ATRNL1: variants seen among roughly 807,000 people sequenced by gnomAD.
ATRNL1 encodes attractin like 1.
In ATRNL1, 95 loss-of-function variants were observed where a neutral mutation model predicts 182.7. The ratio of observed to expected loss-of-function variants is 0.52; its 90% CI spans 0.44 to 0.62. The LOEUF is 0.62. Ranked by LOEUF, ATRNL1 falls within the 20% of genes least tolerant of loss-of-function variation. The probability of loss-of-function intolerance (pLI) is 0.00; values close to 1 mark genes in which losing one functional copy is unlikely to be tolerated. For synonymous variants in ATRNL1, 576 were observed against 568.3 expected (o/e 1.01, Z -0.19); for missense variants, 1,471 against 1,679.5 (o/e 0.88, Z 2.17).
At chr10:115,660,697 C>T (rs782720130) in intron 26 of ATRNL1, among the ~76,000 whole-genome samples, 3 of 151,928 alleles carry the variant, frequency 2.0e-5, no homozygotes, top group Middle Eastern at 6.8e-3. Context: ...GGGAAGAAAG[C>T]CTAGATTAGA....
intron 5 of ATRNL1, among the ~76,000 whole-genome samples, chr10:115,143,175 G>A (rs1845821046): frequency 6.6e-6 from 1 of 152,086 alleles, no homozygotes; most frequent in Admixed American, 6.5e-5. Context: ...CTGAACTGTG[G>A]GTCACAACAA....
intron 28 of ATRNL1, among the ~76,000 whole-genome samples, chr10:115,852,689 T>TTCCTAA: frequency 6.6e-6 from 1 of 152,304 alleles, no homozygotes; most frequent in South Asian, 2.1e-4. Flanking sequence ...TCCCTGTGGA[T>TTCCTAA]AAAGATACTG....
At chr10:115,357,368 A>G (rs995349276) in intron 19 of ATRNL1, among the ~76,000 whole-genome samples, 1 of 151,720 alleles carries the variant, frequency 6.6e-6, no homozygotes, top group South Asian at 2.1e-4. Flanking sequence ...TCAAAAGGCA[A>G]AACCAAACTA....
intron 15 of ATRNL1, among the ~76,000 whole-genome samples, chr10:115,295,780 G>T (rs1215775733): frequency 6.6e-6 from 1 of 152,094 alleles, no homozygotes; most frequent in Non-Finnish European, 1.5e-5. Context: ...TCCCTGCTGT[G>T]TAGGACCAGA....
At chr10:115,860,550 G>C (rs782640819) in intron 28 of ATRNL1, among the ~76,000 whole-genome samples, 16 of 152,052 alleles carry the variant, frequency 1.1e-4, no homozygotes, top group Non-Finnish European at 1.9e-4. Flanking sequence ...TGTATAAATG[G>C]GATAATTTGG....
intron 26 of ATRNL1, among the ~76,000 whole-genome samples, chr10:115,677,728 C>T (rs549294383): frequency 3.3e-5 from 5 of 152,076 alleles, no homozygotes; most frequent in South Asian, 2.1e-4. Context: ...TTATCAGCAA[C>T]GTGAAAACAG....
chr10:115,868,160 G>C (rs1368731869), intron 28 of ATRNL1, among the ~76,000 whole-genome samples: 1 of 152,086 alleles, frequency 6.6e-6, no homozygotes, highest in Non-Finnish European at 1.5e-5. Context: ...GTATATATTC[G>C]AGTGATATGC....
intron 28 of ATRNL1, among the ~76,000 whole-genome samples, chr10:115,868,938 T>C: frequency 6.9e-6 from 1 of 144,260 alleles, no homozygotes; most frequent in East Asian, 2.2e-4. Context: ...CACGCCATTC[T>C]CCTGCCTCAG....
At chr10:115,249,603 A>C (rs1554904960) in intron 10 of ATRNL1, among the ~76,000 whole-genome samples, 1 of 152,108 alleles carries the variant, frequency 6.6e-6, no homozygotes, top group Non-Finnish European at 1.5e-5. Context: ...ATGTGTATTG[A>C]GTATATGGTT....
At chr10:115,440,483 C>G (rs982398618) in intron 21 of ATRNL1, among the ~76,000 whole-genome samples, 1 of 151,760 alleles carries the variant, frequency 6.6e-6, no homozygotes, top group Non-Finnish European at 1.5e-5. Flanking sequence ...ACCTTTAGTC[C>G]TTCTTGCTCA....
chr10:115,276,757 C>T (rs563990333), intron 13 of ATRNL1, among the ~76,000 whole-genome samples: 15 of 152,192 alleles, frequency 9.9e-5, no homozygotes, highest in East Asian at 7.7e-4. Flanking sequence ...TATTCATAAG[C>T]GTGTCTGGTT....
At chr10:115,589,126 A>C (rs951684920) in intron 26 of ATRNL1, among the ~76,000 whole-genome samples, 7 of 152,198 alleles carry the variant, frequency 4.6e-5, no homozygotes, top group Non-Finnish European at 1.0e-4. Context: ...GATGGTAGAT[A>C]CTGGAAAGAA....
chr10:115,132,897 T>C (rs1399286240), intron 5 of ATRNL1, among the ~76,000 whole-genome samples: 2 of 152,220 alleles, frequency 1.3e-5, no homozygotes, highest in Non-Finnish European at 2.9e-5. Flanking sequence ...TTCACTCTGA[T>C]GGTAGTTTCT....
intron 26 of ATRNL1, among the ~76,000 whole-genome samples, chr10:115,664,868 G>A (rs1184016237): frequency 2.6e-5 from 4 of 152,036 alleles, no homozygotes; most frequent in Non-Finnish European, 5.9e-5. Flanking sequence ...TACAGGATCA[G>A]GGTCACCTTG....
At chr10:115,180,413 C>G (rs982211481) in intron 8 of ATRNL1, among the ~76,000 whole-genome samples, 2 of 151,776 alleles carry the variant, frequency 1.3e-5, no homozygotes, top group Non-Finnish European at 2.9e-5. Context: ...CTGCAGTTAA[C>G]TTCTTTATAT....
intron 26 of ATRNL1, among the ~76,000 whole-genome samples, chr10:115,704,400 A>G (rs1165370121): frequency 6.6e-6 from 1 of 151,860 alleles, no homozygotes; most frequent in Non-Finnish European, 1.5e-5. Context: ...TTAACTAATT[A>G]CATCTGCAAT....
intron 26 of ATRNL1, among the ~76,000 whole-genome samples, chr10:115,656,253 C>A (rs528181140): frequency 3.5e-4 from 53 of 152,230 alleles, no homozygotes; most frequent in African/African-American, 1.3e-3. Flanking sequence ...TATATAGCTC[C>A]TTAAATCACT....
At chr10:115,568,222 T>C (rs1022604098) in intron 26 of ATRNL1, among the ~76,000 whole-genome samples, 6 of 152,092 alleles carry the variant, frequency 3.9e-5, no homozygotes, top group African/African-American at 1.4e-4. Flanking sequence ...ATGTGTTATT[T>C]CAGCTAGAGG....
chr10:115,583,745 C>A (rs1438996969), intron 26 of ATRNL1, among the ~76,000 whole-genome samples: 1 of 150,308 alleles, frequency 6.7e-6, no homozygotes, highest in Non-Finnish European at 1.5e-5. Context: ...CCTTTATTTC[C>A]TTCTCCTGTC....
Sources: gnomAD v4.1 joint callset for allele counts (sites outside exome capture counted in the v4.1 genomes callset) on GRCh38, gnomAD v4.1.1 for gene constraint, MANE v1.5 for transcripts, NCBI Gene and HGNC (gene_info 2026-07-23, HGNC 2026-07-21) for gene names.